The following PIP5K1C variants were observed in gnomAD, a reference collection of about 807,000 sequenced individuals.
PIP5K1C encodes phosphatidylinositol-4-phosphate 5-kinase type 1 gamma.
Under a neutral mutation model 80.1 loss-of-function variants are expected in PIP5K1C, and 45 were observed. The observed-to-expected ratio is 0.56, with a 90% CI of 0.44 to 0.72. The LOEUF (loss-of-function observed/expected upper bound fraction) is 0.72, where lower values mean the gene tolerates loss of function less well. PIP5K1C is among the 30% of genes least tolerant of loss of function. The probability of loss-of-function intolerance (pLI) is 0.00; values close to 1 mark genes in which losing one functional copy is unlikely to be tolerated. For synonymous variants in PIP5K1C, 498 were observed against 420.1 expected (o/e 1.19, Z -2.27); for missense variants, 753 against 954.6 (o/e 0.79, Z 2.78).
At chr19:3,641,502 C>T (rs1354784433) in intron 15 of PIP5K1C, among the ~76,000 whole-genome samples, 3 of 152,180 alleles carry the variant, frequency 2.0e-5, no homozygotes, top group African/African-American at 7.2e-5. Flanking sequence ...AGGCATCGCC[C>T]AGTGTCCCCT....
chr19:3,678,588 A>T (rs1600066323), intron 1 of PIP5K1C, among the ~76,000 whole-genome samples: 1 of 57,702 alleles, frequency 1.7e-5, no homozygotes. Context: ...GGAGGGATAA[A>T]GGGATGGAGG....
chr19:3,645,169 G>A (rs1380957384), intron 11 of PIP5K1C, among the ~76,000 whole-genome samples: 1 of 152,204 alleles, frequency 6.6e-6, no homozygotes, highest in Non-Finnish European at 1.5e-5. Context: ...GCCTGTCCCT[G>A]CCACCTCCCT....
rs1479106084 is a variant in PIP5K1C, at chr19:3,644,141, C to T, written c.1456G>A (p.Glu486Lys). Residue 486 changes from glutamate (E) to lysine (K), a missense_variant, in exon 12 of 18, where the codon GAG becomes AAG. Coordinates refer to ENST00000335312, the MANE Select transcript of PIP5K1C (RefSeq NM_012398.3). Reference protein sequence around the residue: ...SASQIPSEREEAQYDLRGARS... With the variant: ...SASQIPSEREKAQYDLRGARS... Reference sequence around the variant, plus strand: ...GCCCCCCGCAGGTCGTACTGGGCCTCCTCCCGCTCGCTAGGGATCTGGCTG... The same window carrying T: ...GCCCCCCGCAGGTCGTACTGGGCCTTCTCCCGCTCGCTAGGGATCTGGCTG... 1.2e-6 allele frequency: 2 copies of T among 1,612,076 alleles called. No homozygotes were observed. The highest frequency in any genetic ancestry group is 1.7e-6 in the Non-Finnish European group (2 of 1,179,860).
At chr19:3,668,739 T>A (rs2145516622) in intron 1 of PIP5K1C, among the ~76,000 whole-genome samples, 1 of 151,622 alleles carries the variant, frequency 6.6e-6, no homozygotes, top group South Asian at 2.1e-4. Context: ...CAGGGCTGGG[T>A]GTTTGATGTG....
At chr19:3,673,449 G>A (rs954308197) in intron 1 of PIP5K1C, among the ~76,000 whole-genome samples, 2 of 152,218 alleles carry the variant, frequency 1.3e-5, no homozygotes, top group African/African-American at 4.8e-5. Context: ...CTCTGGCAAA[G>A]CTCTGAGGGC....
chr19:3,647,015 A>C (rs34814546), intron 10 of PIP5K1C, among the ~76,000 whole-genome samples: 1 of 125,734 alleles, frequency 8.0e-6, no homozygotes, highest in Non-Finnish European at 1.6e-5. Flanking sequence ...GCAGGCGCTC[A>C]CAGAGGGAGG....
Position 3,661,026 on chromosome 19 carries a change from A to G in PIP5K1C, c.408T>C (p.Tyr136=), listed in dbSNP as rs201537634. 9.9e-6 allele frequency: 16 copies of G among 1,614,072 alleles called. No individual in the cohort carries two copies. In the East Asian group the frequency reaches 2.2e-4, roughly 22 times the overall value. ...HHFQDFRFKT[Y]APVAFRYFRE... ...GGAAGTAGCGGAAGGCGACAGGTGC[A>G]TAGGTCTTGAAGCGGAAGTCCTGGA... is the stretch of plus-strand genomic sequence containing the variant. The change falls in exon 5 of 18, where the codon TAT becomes TAC. Residue 136 remains tyrosine (Y), a synonymous_variant. Coordinates refer to ENST00000335312, the MANE Select transcript of PIP5K1C (RefSeq NM_012398.3).
In PIP5K1C at chr19:3,696,349, G is replaced by A. The variant is rs1047306952; in HGVS notation, c.94+3948C>T. The stretch of plus-strand genomic sequence containing the variant: ...GGGATGCCGCAGGAGTGGCACAGAC[G>A]GTCTTGGCCCTCGTGGAGCTCTCGC... On this transcript the variant is annotated intron_variant, in intron 1 of 17. Coordinates refer to ENST00000335312, the MANE Select transcript of PIP5K1C (RefSeq NM_012398.3). The surrounding 1 kb of genome is among the most constrained non-coding windows in gnomAD (Gnocchi z 4.1). Among the ~76,000 whole-genome samples, 13 of 152,236 alleles carry A rather than the reference G, an allele frequency of 8.5e-5. No individual in the cohort carries two copies. Among genetic ancestry groups the A allele is most frequent in the South Asian group, 2.1e-4 (1 of 4,834 alleles).
At chr19:3,685,148 G>C (rs998815206) in intron 1 of PIP5K1C, among the ~76,000 whole-genome samples, 2 of 152,178 alleles carry the variant, frequency 1.3e-5, no homozygotes, top group African/African-American at 2.4e-5. Flanking sequence ...TAAAAGACAT[G>C]ATATGAAACC....
At chr19:3,646,372 G>A (rs188518040) in intron 10 of PIP5K1C, among the ~76,000 whole-genome samples, 2 of 152,284 alleles carry the variant, frequency 1.3e-5, no homozygotes, top group Admixed American at 6.5e-5. Flanking sequence ...GACTTGTAGG[G>A]GAGGCTGAGG....
intron 7 of PIP5K1C, among the ~76,000 whole-genome samples, chr19:3,652,831 G>A (rs2034500131): frequency 6.6e-6 from 1 of 152,098 alleles, no homozygotes; most frequent in Non-Finnish European, 1.5e-5. Context: ...CTCTGGGCTT[G>A]TGACCACAGC....
At chr19:3,660,401 T>C (rs10424872) in intron 5 of PIP5K1C, among the ~76,000 whole-genome samples, 15,699 of 149,722 alleles carry the variant, frequency 0.1, 1,237 homozygotes, top group East Asian at 0.22. Context: ...AAGGGGGTGC[T>C]GGCGCTGATG....
At chr19:3,657,758 T>C (rs1216265123) in intron 5 of PIP5K1C, among the ~76,000 whole-genome samples, 1 of 98,600 alleles carries the variant, frequency 1.0e-5, no homozygotes, top group Non-Finnish European at 2.0e-5. Context: ...AGGCCTCATC[T>C]GTACTAAAAA....
intron 3 of PIP5K1C, among the ~76,000 whole-genome samples, chr19:3,664,309 T>C (rs1343559001): frequency 2.0e-5 from 3 of 152,216 alleles, no homozygotes; most frequent in Admixed American, 6.5e-5. Flanking sequence ...ACTCTGCATA[T>C]GTACTAAAAG....
intron 5 of PIP5K1C, among the ~76,000 whole-genome samples, chr19:3,657,931 T>TA (rs1233428020): frequency 1.3e-4 from 20 of 151,890 alleles, no homozygotes; most frequent in South Asian, 2.1e-4. Context: ...CAAGAGTGTT[T>TA]AAAAAAACAC....
intron 3 of PIP5K1C, among the ~76,000 whole-genome samples, chr19:3,662,431 T>C (rs1267878495): frequency 6.6e-6 from 1 of 152,206 alleles, no homozygotes; most frequent in African/African-American, 2.4e-5. Context: ...CGTTAGCTGC[T>C]TTCTATGTAA....
At position 3,660,341 on chromosome 19, in the gene PIP5K1C, C is replaced by T. The variant is rs187491256; in HGVS notation, c.468+625G>A. Among the ~76,000 whole-genome samples, 189 of 151,868 alleles carry T rather than the reference C, an allele frequency of 1.2e-3. 1 individual carries two copies. The highest frequency in any genetic ancestry group is 4.4e-3 in the African/African-American group (181 of 41,394). ...CTTACAGTGAGCCGAGATCGCACCA[C>T]TGCACTCCAGCCTGGGCGACAGAGC... On this transcript the variant is annotated intron_variant, in intron 5 of 17. Transcript: ENST00000335312.
intron 1 of PIP5K1C, among the ~76,000 whole-genome samples, chr19:3,700,014 C>G (rs958853565): frequency 6.6e-6 from 1 of 152,170 alleles, no homozygotes; most frequent in Non-Finnish European, 1.5e-5. Context: ...ACGGGCAGCC[C>G]CTGGGAGCGG....
chr19:3,672,841 C>T (rs1341480097), intron 1 of PIP5K1C, among the ~76,000 whole-genome samples: 1 of 152,042 alleles, frequency 6.6e-6, no homozygotes, highest in Non-Finnish European at 1.5e-5. Context: ...CCCTGTAGAA[C>T]CAAGGTCCAG....
Sources: gnomAD v4.1 joint callset for allele counts (sites outside exome capture counted in the v4.1 genomes callset) on GRCh38, gnomAD v4.1.1 for gene constraint, Gnocchi (gnomAD v3.1) non-coding constraint, MANE v1.5 for transcripts, NCBI Gene and HGNC (gene_info 2026-07-23, HGNC 2026-07-21) for gene names.